The following RIGI variants were observed in gnomAD, a reference collection of about 807,000 sequenced individuals.
The protein encoded by RIGI is RNA sensor RIG-I.
At chr9:32,520,909 G>C in the RIGI span, among the ~76,000 whole-genome samples, 2 of 151,222 alleles carry the variant, frequency 1.3e-5, no homozygotes, top group South Asian at 2.1e-4. Context: ...ACTTTGGGAG[G>C]CCGAGGCAGG....
At chr9:32,519,727 G>C in the RIGI span, among the ~76,000 whole-genome samples, 1 of 151,920 alleles carries the variant, frequency 6.6e-6, no homozygotes, top group African/African-American at 2.4e-5. Context: ...ATATTGATTG[G>C]GCTTTCTCTC....
At chr9:32,494,010 A>G in the RIGI span, 4 of 1,210,696 alleles carry the variant, frequency 3.3e-6, no homozygotes, top group African/African-American at 3.1e-5. Context: ...GATTAGTATC[A>G]TAGAAATCAT....
chr9:32,501,413 G>A, the RIGI span, among the ~76,000 whole-genome samples: 1 of 152,098 alleles, frequency 6.6e-6, no homozygotes, highest in Admixed American at 6.5e-5. Context: ...GCTGAGGTGG[G>A]AGGATCACTT....
At chr9:32,466,177 C>A in the RIGI span, 2 of 1,104,548 alleles carry the variant, frequency 1.8e-6, no homozygotes, top group Non-Finnish European at 2.6e-6. Context: ...TAAGTATAAA[C>A]TTTTTGTTGT....
the RIGI span, among the ~76,000 whole-genome samples, chr9:32,502,703 C>T: frequency 6.6e-6 from 1 of 152,298 alleles, no homozygotes; most frequent in East Asian, 1.9e-4. Flanking sequence ...GCATTCCTTG[C>T]CCTTCCGGTT....
chr9:32,496,840 C>T, the RIGI span, among the ~76,000 whole-genome samples: 1 of 152,084 alleles, frequency 6.6e-6, no homozygotes, highest in East Asian at 1.9e-4. Context: ...CTGTCCTTTC[C>T]CCATTGAGTG....
At chr9:32,525,585 T>C in the RIGI span, among the ~76,000 whole-genome samples, 2 of 152,244 alleles carry the variant, frequency 1.3e-5, no homozygotes, top group South Asian at 2.1e-4. Flanking sequence ...TCCACTTCTT[T>C]AGGCGTGCAA....
chr9:32,460,497 C>G, the RIGI span, among the ~76,000 whole-genome samples: 1 of 151,742 alleles, frequency 6.6e-6, no homozygotes, highest in Admixed American at 6.6e-5. Flanking sequence ...AAAAAAAAGA[C>G]AATCATAGAT....
At chr9:32,517,214 T>C in the RIGI span, among the ~76,000 whole-genome samples, 2,786 of 152,320 alleles carry the variant, frequency 0.018, 85 homozygotes, top group African/African-American at 0.063. Flanking sequence ...CAAACTGCCA[T>C]GGAAACTGCT....
the RIGI span, among the ~76,000 whole-genome samples, chr9:32,500,449 A>T: frequency 4.6e-5 from 7 of 152,116 alleles, no homozygotes; most frequent in African/African-American, 1.7e-4. Flanking sequence ...CTTTTGTTAG[A>T]TTTATTCCTA....
At chr9:32,490,605 CACT>C in the RIGI span, among the ~76,000 whole-genome samples, 1 of 152,280 alleles carries the variant, frequency 6.6e-6, no homozygotes, top group Non-Finnish European at 1.5e-5. Flanking sequence ...CTTCTACCAC[CACT>C]ATTAATCCCA....
chr9:32,493,555 G>A, the RIGI span, among the ~76,000 whole-genome samples: 1 of 151,350 alleles, frequency 6.6e-6, no homozygotes, highest in Non-Finnish European at 1.5e-5. Flanking sequence ...CTCAGGAGGC[G>A]GAGGTTGCAA....
the RIGI span, among the ~76,000 whole-genome samples, chr9:32,504,912 A>G: frequency 1.4e-5 from 2 of 139,702 alleles, no homozygotes; most frequent in Admixed American, 7.7e-5. Context: ...AGTATATATT[A>G]TATCTATTAT....
At chr9:32,463,473 G>T in the RIGI span, among the ~76,000 whole-genome samples, 4 of 152,174 alleles carry the variant, frequency 2.6e-5, no homozygotes, top group Admixed American at 6.5e-5. Context: ...TGCCTTTCAG[G>T]CATCCAACTT....
chr9:32,467,061 G>A, the RIGI span, among the ~76,000 whole-genome samples: 1 of 152,192 alleles, frequency 6.6e-6, no homozygotes, highest in Non-Finnish European at 1.5e-5. Context: ...CCAGCTGGGA[G>A]GATTAGGGTC....
At chr9:32,481,210 G>T in the RIGI span, 2 of 887,100 alleles carry the variant, frequency 2.3e-6, no homozygotes, top group Non-Finnish European at 1.7e-6. Flanking sequence ...TGCTTCATAA[G>T]AACTTTCTGG....
chr9:32,503,082 C>G, the RIGI span, among the ~76,000 whole-genome samples: 7 of 152,158 alleles, frequency 4.6e-5, no homozygotes, highest in Non-Finnish European at 1.5e-5. Flanking sequence ...ACCCACAATC[C>G]TACCGTATTC....
the RIGI span, chr9:32,500,781 T>C: frequency 1.2e-6 from 2 of 1,603,352 alleles, no homozygotes; most frequent in East Asian, 2.2e-5. Context: ...TCCTCTGATT[T>C]GTGATTAAAA....
chr9:32,486,530 A>G, the RIGI span, among the ~76,000 whole-genome samples: 5 of 151,788 alleles, frequency 3.3e-5, no homozygotes, highest in Non-Finnish European at 5.9e-5. Context: ...TAATTCTTCC[A>G]GGGAAGTCAG....
Sources: gnomAD v4.1 joint callset for allele counts (sites outside exome capture counted in the v4.1 genomes callset) on GRCh38, gnomAD v4.1.1 for gene constraint, MANE v1.5 for transcripts, NCBI Gene and HGNC (gene_info 2026-07-23, HGNC 2026-07-21) for gene names.